GADL1: variants seen among roughly 807,000 people sequenced by gnomAD.
GADL1 encodes the protein acidic amino acid decarboxylase GADL1.
GADL1 carries 71 observed loss-of-function variants against 69.5 expected under a neutral mutation model. The ratio of observed to expected loss-of-function variants is 1.02; its 90% CI spans 0.84 to 1.25. GADL1 has a LOEUF of 1.25. Ranked by LOEUF, GADL1 falls within the 50% of genes most tolerant of loss-of-function variation. The pLI, the probability that GADL1 is intolerant of heterozygous loss-of-function variation, is 0.00. For synonymous variants in GADL1, 254 were observed against 214.4 expected (o/e 1.18, Z -1.62); for missense variants, 737 against 631.8 (o/e 1.17, Z -1.79).
At chr3:30,781,928 TGGTA>T in intron 13 of GADL1, among the ~76,000 whole-genome samples, 1 of 152,324 alleles carries the variant, frequency 6.6e-6, no homozygotes, top group Non-Finnish European at 1.5e-5. Context: ...GTTAATTTCT[TGGTA>T]CTATATTTGA....
At chr3:30,790,536 T>C (rs1181701020) in intron 12 of GADL1, among the ~76,000 whole-genome samples, 2 of 152,112 alleles carry the variant, frequency 1.3e-5, no homozygotes, top group South Asian at 2.1e-4. Flanking sequence ...GCACATAAAA[T>C]GAAGTATTTC....
chr3:30,798,423 C>T (rs531282437), intron 12 of GADL1: 1 of 152,578 alleles, frequency 6.6e-6, no homozygotes, highest in Admixed American at 6.5e-5. Flanking sequence ...GCAGAAACCC[C>T]TGATAAAACC....
intron 12 of GADL1, among the ~76,000 whole-genome samples, chr3:30,797,444 C>T (rs1225073186): frequency 3.3e-5 from 5 of 152,138 alleles, no homozygotes; most frequent in Admixed American, 2.0e-4. Context: ...GCATGTAGGA[C>T]ATCCCAGGCA....
chr3:30,836,253 T>C (rs1393416651), intron 9 of GADL1, among the ~76,000 whole-genome samples: 2 of 151,984 alleles, frequency 1.3e-5, no homozygotes, highest in East Asian at 3.9e-4. Flanking sequence ...CCTCCACTGC[T>C]TCTCCAAAAA....
chr3:30,768,674 A>AG (rs1392197762), intron 14 of GADL1, among the ~76,000 whole-genome samples: 1 of 152,112 alleles, frequency 6.6e-6, no homozygotes, highest in East Asian at 1.9e-4. Context: ...TTTGCTTTGG[A>AG]GAAGGGATGT....
intron 1 of GADL1, among the ~76,000 whole-genome samples, chr3:30,884,650 C>T (rs771615414): frequency 5.9e-5 from 9 of 151,972 alleles, no homozygotes; most frequent in East Asian, 1.9e-4. Context: ...CACTATATTA[C>T]GAGTGATAAA....
At chr3:30,762,556 G>GA (rs1392751948) in intron 14 of GADL1, among the ~76,000 whole-genome samples, 3 of 152,102 alleles carry the variant, frequency 2.0e-5, no homozygotes, top group Admixed American at 1.3e-4. Flanking sequence ...GGCATGCACT[G>GA]AAATAAGCAC....
At chr3:30,863,027 T>TCTCACACACACACACACACA (rs1553603176) in intron 1 of GADL1, among the ~76,000 whole-genome samples, 1 of 110,142 alleles carries the variant, frequency 9.1e-6, no homozygotes, top group African/African-American at 2.7e-5. Context: ...CATGTCTGTT[T>TCTCACACACACACACACACA]CACACACACA....
At chr3:30,837,075 C>G (rs916520427) in intron 9 of GADL1, among the ~76,000 whole-genome samples, 2 of 151,940 alleles carry the variant, frequency 1.3e-5, no homozygotes, top group African/African-American at 4.8e-5. Context: ...ATTAATAAAA[C>G]ATGGTATGTA....
At position 30,859,562 on chromosome 3, in the gene GADL1, T is replaced by C. The variant is rs1213304388; in HGVS notation, c.210+2031A>G. 2.0e-5 allele frequency among the ~76,000 whole-genome samples: 3 copies of C among 152,084 alleles called. No individual in the cohort carries two copies. The East Asian group carries it at 5.8e-4, about 30-fold the overall frequency. ...CAGAATAGTTATATAACTATTCTAA[T>C]GAAGATATAGAACAGTTCCATCATA... is the stretch of plus-strand genomic sequence containing the variant. On this transcript the variant is annotated intron_variant, in intron 2 of 14. Coordinates refer to ENST00000282538, the MANE Select transcript of GADL1 (RefSeq NM_207359.3).
At chr3:30,875,260 A>G (rs1698562102) in intron 1 of GADL1, among the ~76,000 whole-genome samples, 1 of 151,740 alleles carries the variant, frequency 6.6e-6, no homozygotes, top group South Asian at 2.1e-4. Context: ...GGCAGTTGTC[A>G]CATCATTGCA....
Position 30,800,997 on chromosome 3 carries a change from G to A in GADL1, c.1142C>T (p.Ser381Phe), listed in dbSNP as rs759000140. The part of the protein sequence containing the change: ...YDVSYDTGDK[S>F]IQCSRRPDAF... ...ATCTGGTCTTCTGCTACACTGGATA[G>A]ACTTGTCTCCTGTGTCATAGCTCAC... is the stretch of plus-strand genomic sequence containing the variant. The change falls in exon 12 of 15, where the codon TCT becomes TTT. Residue 381 changes from serine to phenylalanine, a missense_variant. Ser to Phe is a radical substitution (Grantham distance 155). Coordinates refer to ENST00000282538, the MANE Select transcript of GADL1 (RefSeq NM_207359.3). 1.2e-6 allele frequency: 2 copies of A among 1,613,554 alleles called. No homozygotes were observed. The highest frequency in any genetic ancestry group is 4.5e-5 in the East Asian group (2 of 44,860).
chr3:30,799,866 C>T (rs1697126368), intron 12 of GADL1: 1 of 152,266 alleles, frequency 6.6e-6, no homozygotes, highest in Admixed American at 6.5e-5. Flanking sequence ...AGTCTGTTTG[C>T]TAAAACGTAA....
At chr3:30,763,571 A>G (rs1207341628) in intron 14 of GADL1, among the ~76,000 whole-genome samples, 2 of 151,732 alleles carry the variant, frequency 1.3e-5, no homozygotes, top group Admixed American at 1.3e-4. Flanking sequence ...ACCAAATATC[A>G]CCACTTAGCC....
At position 30,726,329 on chromosome 3, in the gene GADL1, C is replaced by G. The variant is rs993570018; in HGVS notation, c.*1913G>C. On this transcript the variant is annotated 3_prime_UTR_variant, in exon 15 of 15. Coordinates refer to ENST00000282538, the MANE Select transcript of GADL1 (RefSeq NM_207359.3). ...CACTTCTAAAATGTATTGGTACAATCCAGTAAAGAGGAGATGACAGGAAAA... is the reference window on the plus strand; with the variant it reads ...CACTTCTAAAATGTATTGGTACAATGCAGTAAAGAGGAGATGACAGGAAAA... The G allele has an allele frequency of 6.6e-6, 1 of 152,042 alleles. No individual in the cohort carries two copies. Among genetic ancestry groups the G allele is most frequent in the Non-Finnish European group, 1.5e-5 (1 of 67,996 alleles). 9.4% of individuals were successfully genotyped at this position (152,042 alleles called of 1,614,324 possible).
chr3:30,814,512 T>C (rs1026857702), intron 11 of GADL1, among the ~76,000 whole-genome samples: 6 of 152,326 alleles, frequency 3.9e-5, no homozygotes, highest in African/African-American at 1.2e-4. Flanking sequence ...GGTTGTAGCA[T>C]GAAAGCTGCC....
At chr3:30,767,622 A>T (rs1575194390) in intron 14 of GADL1, among the ~76,000 whole-genome samples, 1 of 152,192 alleles carries the variant, frequency 6.6e-6, no homozygotes, top group Non-Finnish European at 1.5e-5. Flanking sequence ...AAATTGAATG[A>T]CAGTAAAGCC....
At position 30,831,059 on chromosome 3, in the gene GADL1, A is replaced by G. The variant is rs117759413; in HGVS notation, c.1050+2794T>C. ...TCTCTCTTGCCATCAACTCTGGCATAGATACTGCAAGCCTTTTTCTTAGTC... is the reference window on the plus strand; with the variant it reads ...TCTCTCTTGCCATCAACTCTGGCATGGATACTGCAAGCCTTTTTCTTAGTC... On this transcript the variant is annotated intron_variant, in intron 11 of 14. Coordinates refer to ENST00000282538, the MANE Select transcript of GADL1 (RefSeq NM_207359.3). Among the ~76,000 whole-genome samples, 28 of 152,130 alleles carry G rather than the reference A, an allele frequency of 1.8e-4. No individual in the cohort carries two copies. In the East Asian group the frequency reaches 5.4e-3, roughly 30 times the overall value.
chr3:30,754,722 A>G lies in GADL1; in HGVS notation c.1392+23457T>C, dbSNP rs1695923285. Among the ~76,000 whole-genome samples, 4 of 151,850 alleles carry G rather than the reference A, an allele frequency of 2.6e-5. No individual in the cohort carries two copies. In the South Asian group the frequency reaches 8.3e-4, roughly 31 times the overall value. ...TTCTTCTAAAAGCCGTGGCTGACAG[A>G]GCAAATTAAGCAGTGAGATGTTTAC... On this transcript the variant is annotated intron_variant, in intron 14 of 14. Coordinates refer to ENST00000282538, the MANE Select transcript of GADL1 (RefSeq NM_207359.3).
Sources: allele counts gnomAD v4.1 joint callset (sites outside exome capture counted in the v4.1 genomes callset), GRCh38; gene constraint gnomAD v4.1.1; transcripts MANE v1.5; gene names NCBI Gene and HGNC (gene_info 2026-07-23, HGNC 2026-07-21).